The following ZNF790 variants were observed in gnomAD, a reference collection of about 807,000 sequenced individuals.
ZNF790 encodes the protein zinc finger protein 790.
In ZNF790, 8 loss-of-function variants were observed where a neutral mutation model predicts 12.1. The ratio of observed to expected loss-of-function variants is 0.66; its 90% confidence interval spans 0.39 to 1.19. The LOEUF (loss-of-function observed/expected upper bound fraction) is 1.19. Ranked by LOEUF, ZNF790 falls within the 50% of genes most tolerant of loss-of-function variation. The probability of loss-of-function intolerance (pLI) is 0.01; values close to 1 mark genes in which losing one functional copy is unlikely to be tolerated. For missense variants in ZNF790, 707 were observed against 752.2 expected (o/e 0.94, Z 0.70); for synonymous variants, 252 against 244.3 (o/e 1.03, Z -0.29).
upstream of ZNF790, among the ~76,000 whole-genome samples, chr19:36,842,725 G>A (rs1772156427): frequency 6.6e-6 from 1 of 151,576 alleles, no homozygotes; most frequent in Non-Finnish European, 1.5e-5. Context: ...GACATGAGGG[G>A]CTGGGCGCGG....
At chr19:36,828,776 GC>G (rs916803147) in intron 1 of ZNF790, among the ~76,000 whole-genome samples, 20 of 152,184 alleles carry the variant, frequency 1.3e-4, no homozygotes, top group African/African-American at 4.3e-4. Flanking sequence ...ACCATGTCCA[GC>G]CAAAAACTAA....
chr19:36,830,984 A>G (rs1189482309), intron 1 of ZNF790, among the ~76,000 whole-genome samples: 1 of 152,092 alleles, frequency 6.6e-6, no homozygotes, highest in Non-Finnish European at 1.5e-5. Flanking sequence ...CTAAAAATAC[A>G]AAAAATTAGC....
In ZNF790 at chr19:36,819,215, G is replaced by A. The variant is rs928414495; in HGVS notation, c.1129C>T (p.Arg377Cys). 3.7e-6 allele frequency: 6 copies of A among 1,613,686 alleles called. No homozygotes were observed. Among genetic ancestry groups the A allele is most frequent in the East Asian group, 2.2e-5 (1 of 44,852 alleles). ...ECKECGKAFI[R>C]GSNLAQHQNV... ...TGATGTTGAGCAAGATTTGAACCAC[G>A]AATAAAGGCTTTTCCACATTCCTTA... The change falls in exon 5 of 5, where the codon CGT becomes TGT. Residue 377 changes from arginine (R) to cysteine (C), a missense_variant. Coordinates refer to ENST00000356725, the MANE Select transcript of ZNF790 (RefSeq NM_206894.4).
In ZNF790 at chr19:36,848,872, C is replaced by A. The variant is rs2072208435; in HGVS notation, c.-74+1130G>T. 3.3e-5 allele frequency among the ~76,000 whole-genome samples: 5 copies of A among 152,136 alleles called. No individual in the cohort carries two copies. In the South Asian group the frequency reaches 1.0e-3, roughly 32 times the overall value. ...GCAGTGGTGCGATCTCAGTTCACTG[C>A]AACCTCTGTCTGCCGGGTTCAAGCC... is the stretch of plus-strand genomic sequence containing the variant. On this transcript the variant is annotated intron_variant, in intron 1 of 4. Transcript: ENST00000528994.
intron 2 of ZNF790, among the ~76,000 whole-genome samples, chr19:36,823,992 CTTTTTTTT>C (rs779735213): frequency 9.6e-6 from 1 of 104,380 alleles, no homozygotes; most frequent in African/African-American, 4.2e-5. Flanking sequence ...TCTACATGCT[CTTTTTTTT>C]TTTTTTTTTT....
chr19:36,825,674 G>C lies in ZNF790; in HGVS notation c.-55C>G. On this transcript the variant is annotated 5_prime_UTR_variant, in exon 2 of 5. Transcript: ENST00000356725. ...CTCTGGATTCTTTCTTGGTGAGGCA[G>C]CGTGCTGGGAAAGCAGAGCTAGAAG... 1 of 1,600,206 alleles carries C rather than the reference G, an allele frequency of 6.2e-7. No individual in the cohort carries two copies.
chr19:36,838,339 G>C lies in ZNF790; in HGVS notation c.-76C>G, dbSNP rs552497370. Reference sequence around the variant, plus strand: ...TTCTGTGTCTCGGAATCACTCACCCGGCCCTGCGGTCCCTTGATGGTGGAA... The same window carrying C: ...TTCTGTGTCTCGGAATCACTCACCCCGCCCTGCGGTCCCTTGATGGTGGAA... On this transcript the variant is annotated splice_region_variant and 5_prime_UTR_variant, in exon 1 of 5. Transcript: ENST00000356725. The surrounding 1 kb of genome is among the most constrained non-coding windows in gnomAD (Gnocchi z 4.4). The C allele has an allele frequency of 6.6e-6, 1 of 152,464 alleles. No homozygotes were observed. Among genetic ancestry groups the C allele is most frequent in the Admixed American group, 6.5e-5 (1 of 15,304 alleles). The allele number at this position is 152,464 out of a possible 1,614,324, so 9.4% of individuals were successfully genotyped here.
upstream of ZNF790, chr19:36,850,517 T>C: frequency 6.6e-6 from 1 of 152,230 alleles, no homozygotes; most frequent in East Asian, 1.9e-4. Flanking sequence ...TAAGAGGAAG[T>C]TAAGTATCAA....
At chr19:36,845,798 CT>C (rs34959202) in intron 1 of ZNF790, among the ~76,000 whole-genome samples, 329 of 143,850 alleles carry the variant, frequency 2.3e-3, no homozygotes, top group Non-Finnish European at 2.1e-3. Flanking sequence ...AACCTAGATT[CT>C]TTTTTTTTTT....
In ZNF790 at chr19:36,823,330, C is replaced by T; in HGVS notation, c.184G>A (p.Glu62Lys). 1 of 1,614,156 alleles carries T rather than the reference C, an allele frequency of 6.2e-7. No individual in the cohort carries two copies. The highest frequency in any genetic ancestry group is 8.5e-7 in the Non-Finnish European group (1 of 1,180,030). ...EAFSLLEKGK[E>K]PWKILRDETR... ...TCATCCCTCAAAATCTTCCAGGGCT[C>T]TTTCCCTTTCTCCAATAAAGAGAAC... Residue 62 changes from glutamate to lysine, a missense_variant, in exon 4 of 5, where the codon GAG (glutamate) becomes AAG (lysine). Physicochemically the swap from Glu to Lys is moderately conservative, Grantham distance 56. Coordinates refer to ENST00000356725, the MANE Select transcript of ZNF790 (RefSeq NM_206894.4).
intron 1 of ZNF790, among the ~76,000 whole-genome samples, chr19:36,834,243 CAAAAAAAAAAAAAA>C (rs751627349): frequency 2.9e-5 from 1 of 34,886 alleles, no homozygotes; most frequent in Non-Finnish European, 6.6e-5. Flanking sequence ...AACTCCATCT[CAAAAAAAAAAAAAA>C]AAAAAAAAAA....
At chr19:36,823,605 A>C in intron 3 of ZNF790, 62 bp downstream of exon 3, 1 of 1,577,706 alleles carries the variant, frequency 6.3e-7, no homozygotes, top group Non-Finnish European at 8.6e-7. Context: ...GACATTTAAA[A>C]GACAATAAAA....
At chr19:36,820,253 GA>G (rs1001361265) in intron 4 of ZNF790, 139 bp from the exon 5 acceptor site, 19 of 815,116 alleles carry the variant, frequency 2.3e-5, no homozygotes, top group African/African-American at 1.6e-4. Flanking sequence ...TGAGCAATAT[GA>G]AAAAAAGGGC....
Position 36,819,486 on chromosome 19 carries a change from T to C in ZNF790, c.858A>G (p.Glu286=). 1 of 1,611,492 alleles carries C rather than the reference T, an allele frequency of 6.2e-7. No individual in the cohort carries two copies. The highest frequency in any genetic ancestry group is 8.5e-7 in the Non-Finnish European group (1 of 1,178,554). ...AGCCACAACTAAAGGCCTTCCCACATTCCTTACATTCATAAGATTTCTCAC... is the reference window on the plus strand; with the variant it reads ...AGCCACAACTAAAGGCCTTCCCACACTCCTTACATTCATAAGATTTCTCAC... ...HTGEKSYECK[E]CGKAFSCGSD... is the part of the protein sequence containing the mutation. Residue 286 remains glutamate, a synonymous_variant, in exon 5 of 5, where the codon GAA becomes GAG. Coordinates refer to ENST00000356725, the MANE Select transcript of ZNF790 (RefSeq NM_206894.4).
upstream of ZNF790, among the ~76,000 whole-genome samples, chr19:36,840,862 G>T (rs2072123913): frequency 6.6e-6 from 1 of 152,044 alleles, no homozygotes; most frequent in Non-Finnish European, 1.5e-5. Flanking sequence ...AAAGCAAAAA[G>T]CAACAACAAA....
chr19:36,822,703 C>T (rs996670645), intron 4 of ZNF790, among the ~76,000 whole-genome samples: 2 of 151,318 alleles, frequency 1.3e-5, no homozygotes, highest in African/African-American at 4.9e-5. Flanking sequence ...ACCACACTGG[C>T]TAGTTTTTGT....
upstream of ZNF790, chr19:36,850,781 G>C (rs1380067311): frequency 6.6e-6 from 1 of 152,260 alleles, no homozygotes; most frequent in Non-Finnish European, 1.5e-5. Flanking sequence ...GCAACCTGTC[G>C]CTTTCTGGAC....
In ZNF790 at chr19:36,819,524, G is replaced by A. The variant is rs373603010; in HGVS notation, c.820C>T (p.Arg274Ter). Residue 274 changes from arginine to a stop codon, truncating the protein, a stop_gained, in exon 5 of 5, where the codon CGA becomes TGA. Coordinates refer to ENST00000356725, the MANE Select transcript of ZNF790 (RefSeq NM_206894.4). LOFTEE classifies it low-confidence loss of function (END_TRUNC). Reference sequence around the variant, plus strand: ...TAAGATTTCTCACCAGTATGAATTCGCTTATGGACACTAAGTTGTGAATGA... The same window carrying A: ...TAAGATTTCTCACCAGTATGAATTCACTTATGGACACTAAGTTGTGAATGA... Reference protein sequence around the residue: ...RFHSQLSVHKRIHTGEKSYEC... With the variant: ...RFHSQLSVHK 9.9e-6 allele frequency: 16 copies of A among 1,612,454 alleles called. No individual in the cohort carries two copies. Among genetic ancestry groups the A allele is most frequent in the Middle Eastern group, 1.6e-4 (1 of 6,078 alleles).
At chr19:36,840,279 G>A (rs1008753518), upstream of ZNF790, among the ~76,000 whole-genome samples, 1 of 151,984 alleles carries the variant, frequency 6.6e-6, no homozygotes, top group Non-Finnish European at 1.5e-5. Context: ...ACCACTACAC[G>A]CCCAAGCTCT....
Sources: gnomAD v4.1 joint callset for allele counts (sites outside exome capture counted in the v4.1 genomes callset) on GRCh38, gnomAD v4.1.1 for gene constraint, Gnocchi (gnomAD v3.1) non-coding constraint, MANE v1.5 for transcripts, NCBI Gene and HGNC (gene_info 2026-07-23, HGNC 2026-07-21) for gene names.